SNAP29: variants seen among roughly 807,000 people sequenced by gnomAD.
The protein encoded by SNAP29 is synaptosomal-associated protein 29.
In SNAP29, 13 loss-of-function variants were observed where a neutral mutation model predicts 27.9. The ratio of observed to expected loss-of-function variants is 0.47; its 90% CI spans 0.30 to 0.74. The LOEUF (loss-of-function observed/expected upper bound fraction) is 0.74, where lower values mean the gene tolerates loss of function less well. Ranked by LOEUF, SNAP29 falls within the 30% of genes least tolerant of loss-of-function variation. The pLI is 0.06. For missense variants in SNAP29, 368 were observed against 336.5 expected (o/e 1.09, Z -0.73); for synonymous variants, 119 against 127.1 (o/e 0.94, Z 0.43).
intron 1 of SNAP29, among the ~76,000 whole-genome samples, chr22:20,860,194 T>TA (rs397721475): frequency 0.43 from 59,749 of 138,790 alleles, 12,751 homozygotes; most frequent in East Asian, 0.53. Flanking sequence ...CCACTAAAAT[T>TA]AAAAAAAAAA....
At chr22:20,876,911 C>T (rs1056289321) in intron 2 of SNAP29, among the ~76,000 whole-genome samples, 3 of 152,180 alleles carry the variant, frequency 2.0e-5, no homozygotes, top group East Asian at 1.9e-4. Context: ...ACAAACCCTT[C>T]GGCCTTCTCT....
At chr22:20,878,923 G>A (rs1481188868) in intron 2 of SNAP29, among the ~76,000 whole-genome samples, 1 of 152,198 alleles carries the variant, frequency 6.6e-6, no homozygotes, top group Non-Finnish European at 1.5e-5. Context: ...CAGCAAACTA[G>A]GCCACGGAGC....
chr22:20,860,754 T>TA (rs1464208429), intron 1 of SNAP29, among the ~76,000 whole-genome samples: 1 of 152,118 alleles, frequency 6.6e-6, no homozygotes, highest in Non-Finnish European at 1.5e-5. Context: ...AAAAAAGGTT[T>TA]AAAAAAATGT....
chr22:20,883,718 C>T (rs1345056999), intron 4 of SNAP29, 149 bp downstream of exon 4: 3 of 705,652 alleles, frequency 4.3e-6, no homozygotes, highest in Non-Finnish European at 7.9e-6. Flanking sequence ...TGCCACCTCA[C>T]TGTCTCTGGA....
chr22:20,859,318 T>C lies in SNAP29; in HGVS notation c.208T>C (p.Ser70Pro), dbSNP rs201613525. The C allele has an allele frequency of 1.2e-6, 2 of 1,613,142 alleles. No individual in the cohort carries two copies. The highest frequency in any genetic ancestry group is 2.2e-5 in the South Asian group (2 of 91,018). Residue 70 changes from serine to proline, a missense_variant, in exon 1 of 5, where the codon TCC (serine) becomes CCC (proline). Transcript: ENST00000215730. ...TSRSLALMYE[S>P]EKVGVASSEE... is the part of the protein sequence containing the mutation. ...CAGGTCCCTGGCCCTCATGTACGAG[T>C]CCGAGAAGGTTGGGGTCGCCTCTTC...
rs1929069202 is a variant in SNAP29 at position 20,888,310 on chromosome 22, TTCACACA to T, written c.*475_*481del. 2.2e-5 allele frequency: 4 copies of T among 182,486 alleles called. No individual in the cohort carries two copies. The highest frequency in any genetic ancestry group is 1.2e-4 in the South Asian group (2 of 16,830). The allele number at this position is 182,486 out of a possible 1,614,324, so 11.3% of individuals were successfully genotyped here. ...CCACACCTTTGTTTAGGAGTCATCA[TTCACACA>T]CACACACACACACACACACACACAC... On this transcript the variant is annotated 3_prime_UTR_variant, in exon 5 of 5. Transcript: ENST00000215730.
chr22:20,862,465 A>T (rs1928348318), intron 1 of SNAP29, among the ~76,000 whole-genome samples: 1 of 152,156 alleles, frequency 6.6e-6, no homozygotes, highest in Non-Finnish European at 1.5e-5. Context: ...GAGGGACATG[A>T]TAGACTGGGT....
intron 2 of SNAP29, among the ~76,000 whole-genome samples, chr22:20,879,306 C>CAA (rs945925258): frequency 3.8e-5 from 3 of 78,980 alleles, no homozygotes; most frequent in Non-Finnish European, 2.6e-5. Context: ...GACTCCATCT[C>CAA]AAAAAAAAAA....
rs375585651 is a variant in SNAP29, at chr22:20,873,695, TG to T, written c.434+3164del. On this transcript the variant is annotated intron_variant, in intron 2 of 4. Coordinates refer to ENST00000215730, the MANE Select transcript of SNAP29 (RefSeq NM_004782.4). ...AAAAACACAAAAATGAAGTTGGGCA[TG>T]GTGGTTCAGGCCTGTAATCCCAGCA... Among the ~76,000 whole-genome samples the T allele has an allele frequency of 7.4e-3, 1,117 of 151,926 alleles. 10 individuals carry two copies. Among genetic ancestry groups the T allele is most frequent in the African/African-American group, 0.026 (1,075 of 41,406 alleles).
At chr22:20,877,798 A>G (rs1002114281) in intron 2 of SNAP29, among the ~76,000 whole-genome samples, 4 of 152,214 alleles carry the variant, frequency 2.6e-5, no homozygotes, top group Admixed American at 6.5e-5. Context: ...TCATTTATGT[A>G]TTACCAGTAT....
In SNAP29 at chr22:20,886,037, C is replaced by T. The variant is rs544561933; in HGVS notation, c.620-1642C>T. ...GCTTCCTCCTGAGGCCTGAGGCAAC[C>T]ACAGGCTCTGCTCTCCATGGAGCAC... On this transcript the variant is annotated intron_variant, in intron 4 of 4. Coordinates refer to ENST00000215730, the MANE Select transcript of SNAP29 (RefSeq NM_004782.4). 9.9e-5 allele frequency among the ~76,000 whole-genome samples: 15 copies of T among 152,162 alleles called. No individual in the cohort carries two copies. In the East Asian group the frequency reaches 2.9e-3, roughly 29 times the overall value.
chr22:20,880,294 T>G (rs1369824221), intron 2 of SNAP29, among the ~76,000 whole-genome samples: 1 of 152,068 alleles, frequency 6.6e-6, no homozygotes, highest in African/African-American at 2.4e-5. Flanking sequence ...GATCAGGAGT[T>G]AGAGACCAGC....
chr22:20,870,579 G>T, intron 2 of SNAP29, 46 bp downstream of exon 2: 2 of 1,565,598 alleles, frequency 1.3e-6, no homozygotes, highest in South Asian at 1.1e-5. Context: ...CAGAAGTGGG[G>T]ATTAGTGCAA....
chr22:20,876,724 C>G (rs904991197), intron 2 of SNAP29, among the ~76,000 whole-genome samples: 1 of 152,070 alleles, frequency 6.6e-6, no homozygotes, highest in Admixed American at 6.6e-5. Flanking sequence ...CCCGCCACCA[C>G]GCCCGGCTAA....
intron 1 of SNAP29, among the ~76,000 whole-genome samples, chr22:20,866,107 C>T (rs140696210): frequency 6.6e-6 from 1 of 152,346 alleles, no homozygotes; most frequent in East Asian, 1.9e-4. Context: ...GGCCACACCT[C>T]TCTTTGGAAT....
At chr22:20,870,764 C>A in intron 2 of SNAP29, 1 of 596,600 alleles carries the variant, frequency 1.7e-6, no homozygotes, top group Non-Finnish European at 3.0e-6. Flanking sequence ...TAATTGTGAC[C>A]CCACTACTTT....
intron 2 of SNAP29, among the ~76,000 whole-genome samples, chr22:20,880,732 A>T (rs954811853): frequency 6.6e-6 from 1 of 151,666 alleles, no homozygotes; most frequent in Non-Finnish European, 1.5e-5. Context: ...AGGTCTCATT[A>T]TGTTTCCCAG....
At chr22:20,884,766 ATGTTTTGTTTTGTTT>A (rs361756) in intron 4 of SNAP29, among the ~76,000 whole-genome samples, 2 of 150,790 alleles carry the variant, frequency 1.3e-5, no homozygotes, top group Non-Finnish European at 3.0e-5. Flanking sequence ...CTTAGTGATT[ATGTTTTGTTTTGTTT>A]TGTTTTGTTT....
intron 4 of SNAP29, among the ~76,000 whole-genome samples, chr22:20,885,038 G>A (rs1217519936): frequency 1.3e-5 from 2 of 152,204 alleles, no homozygotes; most frequent in Admixed American, 1.3e-4. Flanking sequence ...GCCTCCCAAA[G>A]TGCTGGGATT....
Sources: gnomAD v4.1 joint callset for allele counts (sites outside exome capture counted in the v4.1 genomes callset) on GRCh38, gnomAD v4.1.1 for gene constraint, MANE v1.5 for transcripts, NCBI Gene and HGNC (gene_info 2026-07-23, HGNC 2026-07-21) for gene names.